DOK6: variants seen among roughly 807,000 people sequenced by gnomAD.
DOK6 encodes downstream of tyrosine kinase 6.
A neutral mutation model predicts 44.0 loss-of-function variants in DOK6; 22 were observed. The observed-to-expected ratio is 0.50, with a 90% CI of 0.36 to 0.71. The LOEUF is 0.71. DOK6 is among the 30% of genes least tolerant of loss of function. The pLI, the probability that DOK6 is intolerant of heterozygous loss-of-function variation, is 0.00. For missense variants in DOK6, 340 were observed against 416.4 expected, an observed-to-expected ratio of 0.82 and a Z score of 1.60; for synonymous variants, 166 against 145.5, an observed-to-expected ratio of 1.14 and a Z score of -1.01.
At chr18:69,461,094 T>C (rs1381993312) in intron 1 of DOK6, among the ~76,000 whole-genome samples, 3 of 152,210 alleles carry the variant, frequency 2.0e-5, no homozygotes, top group Admixed American at 2.0e-4. Flanking sequence ...TTATTATTAA[T>C]TATTTTTAAT....
intron 2 of DOK6, among the ~76,000 whole-genome samples, chr18:69,586,599 T>C (rs568679633): frequency 6.6e-6 from 1 of 152,356 alleles, no homozygotes; most frequent in South Asian, 2.1e-4. Flanking sequence ...CCCCGGACCC[T>C]ACTGGCTAGT....
At chr18:69,616,547 T>G (rs1014813178) in intron 3 of DOK6, among the ~76,000 whole-genome samples, 7 of 150,568 alleles carry the variant, frequency 4.6e-5, no homozygotes, top group Non-Finnish European at 8.9e-5. Context: ...GAAAGCAACT[T>G]TAGAACTAAC....
Position 69,617,221 on chromosome 18 carries a change from A to C in DOK6, c.289+17723A>C, listed in dbSNP as rs553557828. 2.0e-5 allele frequency among the ~76,000 whole-genome samples: 3 copies of C among 152,180 alleles called. No homozygotes were observed. The South Asian group carries it at 6.2e-4, about 32-fold the overall frequency. ...TGTAATTTCAACACTTTAGGAGGTC[A>C]AGGTGGGAGGATAGAGTGAGCCCAA... On this transcript the variant is annotated intron_variant, in intron 3 of 7. Coordinates refer to ENST00000382713, the MANE Select transcript of DOK6 (RefSeq NM_152721.6).
intron 3 of DOK6, among the ~76,000 whole-genome samples, chr18:69,638,575 T>A (rs1157517301): frequency 1.3e-5 from 2 of 152,316 alleles, no homozygotes; most frequent in Middle Eastern, 3.4e-3. Flanking sequence ...CAGATCAAGT[T>A]TGAGTCAAAG....
At chr18:69,471,288 T>G (rs1980098834) in intron 1 of DOK6, among the ~76,000 whole-genome samples, 1 of 144,480 alleles carries the variant, frequency 6.9e-6, no homozygotes, top group Non-Finnish European at 1.5e-5. Flanking sequence ...AAGGGGTGAT[T>G]TCAGAGATGA....
At chr18:69,752,787 G>T (rs1979226347) in intron 6 of DOK6, among the ~76,000 whole-genome samples, 1 of 152,178 alleles carries the variant, frequency 6.6e-6, no homozygotes, top group Non-Finnish European at 1.5e-5. Context: ...AGCATCATGA[G>T]TTTCATGCTT....
At chr18:69,721,946 G>A (rs751843444) in intron 5 of DOK6, among the ~76,000 whole-genome samples, 4 of 152,106 alleles carry the variant, frequency 2.6e-5, no homozygotes, top group African/African-American at 4.8e-5. Flanking sequence ...TGTCTTTAAC[G>A]AAAAGCCTTA....
At chr18:69,713,053 A>T (rs1193772433) in intron 5 of DOK6, among the ~76,000 whole-genome samples, 1 of 152,232 alleles carries the variant, frequency 6.6e-6, no homozygotes, top group East Asian at 1.9e-4. Context: ...AGATTATCTA[A>T]AGGGTATCCG....
At chr18:69,643,289 A>T (rs748162229) in intron 3 of DOK6, among the ~76,000 whole-genome samples, 20 of 152,058 alleles carry the variant, frequency 1.3e-4, no homozygotes, top group Non-Finnish European at 2.4e-4. Context: ...TTTTGCTTTT[A>T]TTCATTTGTG....
chr18:69,805,220 G>A (rs1034291379), intron 7 of DOK6, among the ~76,000 whole-genome samples: 2 of 152,184 alleles, frequency 1.3e-5, no homozygotes, highest in Non-Finnish European at 2.9e-5. Flanking sequence ...CAAACATACT[G>A]TTGAGACAGT....
chr18:69,567,968 G>C (rs1983025044), intron 2 of DOK6, among the ~76,000 whole-genome samples: 1 of 152,192 alleles, frequency 6.6e-6, no homozygotes, highest in Non-Finnish European at 1.5e-5. Flanking sequence ...TGCATGGCCA[G>C]CTCTCCCTTA....
At position 69,535,570 on chromosome 18, in the gene DOK6, AATATATATATGTGATTC is replaced by A. The variant is rs1555711014; in HGVS notation, c.67-28897_67-28881del. ...GCTATGAATTTTTACTACTCAGTTGAATATATATATGTGATTCATATATATATGTGATTCATGTATAT... is the reference window on the plus strand; with the variant it reads ...GCTATGAATTTTTACTACTCAGTTGAATATATATATGTGATTCATGTATAT... On this transcript the variant is annotated intron_variant, in intron 1 of 7. Coordinates refer to ENST00000382713, the MANE Select transcript of DOK6 (RefSeq NM_152721.6). Among the ~76,000 whole-genome samples, 286 of 151,702 alleles carry A rather than the reference AATATATATATGTGATTC, an allele frequency of 1.9e-3. 1 individual carries two copies. The highest frequency in any genetic ancestry group is 6.6e-3 in the African/African-American group (275 of 41,372).
chr18:69,507,221 G>T (rs1200757790), intron 1 of DOK6, among the ~76,000 whole-genome samples: 1 of 151,916 alleles, frequency 6.6e-6, no homozygotes, highest in Non-Finnish European at 1.5e-5. Context: ...TAGAGAGGGG[G>T]TTTCACCGTG....
intron 4 of DOK6, among the ~76,000 whole-genome samples, chr18:69,688,326 C>T (rs1986194641): frequency 6.6e-6 from 1 of 152,100 alleles, no homozygotes. Context: ...TAGAACTTGA[C>T]AAGTCAATTT....
At chr18:69,608,545 T>C (rs565352179) in intron 3 of DOK6, among the ~76,000 whole-genome samples, 1 of 152,318 alleles carries the variant, frequency 6.6e-6, no homozygotes, top group South Asian at 2.1e-4. Context: ...AAAAAAGTCA[T>C]TGAAATTTTG....
chr18:69,808,136 G>T (rs1351613904), intron 7 of DOK6, among the ~76,000 whole-genome samples: 1 of 151,734 alleles, frequency 6.6e-6, no homozygotes, highest in African/African-American at 2.4e-5. Context: ...TTAATAACAA[G>T]AGGAATTTTA....
chr18:69,429,880 T>A (rs770485176), intron 1 of DOK6, among the ~76,000 whole-genome samples: 3 of 151,904 alleles, frequency 2.0e-5, no homozygotes, highest in Admixed American at 6.6e-5. Flanking sequence ...GATAAATTGG[T>A]TAAACTATTC....
chr18:69,602,027 G>A (rs984470518), intron 3 of DOK6, among the ~76,000 whole-genome samples: 1 of 152,170 alleles, frequency 6.6e-6, no homozygotes, highest in African/African-American at 2.4e-5. Flanking sequence ...ATACATAGGA[G>A]AGTATAGAAA....
At chr18:69,573,832 T>C (rs374697985) in intron 2 of DOK6, among the ~76,000 whole-genome samples, 16 of 152,154 alleles carry the variant, frequency 1.1e-4, no homozygotes, top group African/African-American at 3.6e-4. Context: ...AATTCTCTTT[T>C]ACCATCCTTT....
Sources: gnomAD v4.1 joint callset for allele counts (sites outside exome capture counted in the v4.1 genomes callset) on GRCh38, gnomAD v4.1.1 for gene constraint, MANE v1.5 for transcripts, NCBI Gene and HGNC (gene_info 2026-07-23, HGNC 2026-07-21) for gene names.